SNX29: variants seen among roughly 807,000 people sequenced by gnomAD.
The protein encoded by SNX29 is sorting nexin 29, also known as sorting nexin-29.
SNX29 carries 78 observed loss-of-function variants against 102.1 expected under a neutral mutation model. The observed-to-expected ratio is 0.76, with a 90% CI of 0.64 to 0.92. The LOEUF is 0.92. Among genes scored for constraint, SNX29 ranks in the 40% least tolerant of loss-of-function variants. SNX29 has a pLI of 0.00. For missense variants in SNX29, 1,280 were observed against 1,061.7 expected (o/e 1.21, Z -2.86); for synonymous variants, 580 against 414.5 (o/e 1.40, Z -4.85).
intron 19 of SNX29, among the ~76,000 whole-genome samples, chr16:12,512,802 G>C (rs1459172890): frequency 6.6e-6 from 1 of 152,162 alleles, no homozygotes. Context: ...CTTAGATGGA[G>C]AACTGAATCC....
Position 11,983,705 on chromosome 16 carries a change from C to T in SNX29, c.7+6892C>T, listed in dbSNP as rs192087539. 3.0e-6 allele frequency: 3 copies of T among 985,388 alleles called. No homozygotes were observed. The Admixed American group carries it at 1.8e-4, about 61-fold the overall frequency. 61.0% of individuals were successfully genotyped at this position (985,388 alleles called of 1,614,324 possible). On this transcript the variant is annotated intron_variant, in intron 1 of 20. Coordinates refer to ENST00000566228, the MANE Select transcript of SNX29 (RefSeq NM_032167.5). ...GCTATCTTGCCTCCTGGTTGCTTGA[C>T]TCCAGGTAACTGATAGGAACTCAAA...
intron 18 of SNX29, among the ~76,000 whole-genome samples, chr16:12,467,463 A>C (rs1022896367): frequency 6.6e-6 from 1 of 152,206 alleles, no homozygotes; most frequent in Non-Finnish European, 1.5e-5. Context: ...CATCAGGCAC[A>C]TGCACAGACA....
At chr16:12,066,760 G>A (rs1027131048) in intron 9 of SNX29, among the ~76,000 whole-genome samples, 2 of 151,174 alleles carry the variant, frequency 1.3e-5, no homozygotes, top group Non-Finnish European at 1.5e-5. Flanking sequence ...GGTGGGGGCT[G>A]AGGGAGGGGT....
At chr16:12,179,197 T>C (rs1452076251) in intron 13 of SNX29, among the ~76,000 whole-genome samples, 1 of 152,198 alleles carries the variant, frequency 6.6e-6, no homozygotes, top group Non-Finnish European at 1.5e-5. Context: ...AAATATTGGC[T>C]TGTGAGGGCC....
At chr16:12,235,821 G>T (rs549687987) in intron 14 of SNX29, among the ~76,000 whole-genome samples, 81 of 152,024 alleles carry the variant, frequency 5.3e-4, no homozygotes, top group African/African-American at 1.9e-3. Context: ...ATGTGTATGT[G>T]TGTGTGTGCT....
chr16:12,371,602 G>A (rs1380011762), intron 16 of SNX29, among the ~76,000 whole-genome samples: 2 of 152,296 alleles, frequency 1.3e-5, no homozygotes, highest in African/African-American at 4.8e-5. Flanking sequence ...ACTGCACCCA[G>A]CCAGATTTTT....
intron 18 of SNX29, among the ~76,000 whole-genome samples, chr16:12,426,253 C>T (rs1288932855): frequency 1.3e-5 from 2 of 152,186 alleles, no homozygotes; most frequent in Non-Finnish European, 2.9e-5. Context: ...CATGGGTCAG[C>T]TGTGGCCTGT....
intron 20 of SNX29, among the ~76,000 whole-genome samples, chr16:12,552,468 C>A (rs1037787085): frequency 6.6e-6 from 1 of 152,214 alleles, no homozygotes; most frequent in Admixed American, 6.5e-5. Flanking sequence ...TCCATCTCAT[C>A]ACCCAACGAT....
At position 12,570,297 on chromosome 16, in the gene SNX29, G is replaced by C. The variant is rs115063113; in HGVS notation, c.*1668G>C. On this transcript the variant is annotated 3_prime_UTR_variant, in exon 21 of 21. Transcript: ENST00000566228. The stretch of plus-strand genomic sequence containing the variant: ...ACCCTGCAGTCAGTTTGCGAGTGTG[G>C]AGGACCCGAGACATCCTGTAAAGGC... The C allele has an allele frequency of 4.7e-4, 497 of 1,048,686 alleles. 1 individual carries two copies. In the African/African-American group the frequency reaches 7.6e-3, roughly 16 times the overall value. The allele number at this position is 1,048,686 out of a possible 1,614,324, so 65.0% of individuals were successfully genotyped here. A position where few individuals can be genotyped will look rare whatever the true frequency, so the allele number is the denominator to read the frequency against.
intron 19 of SNX29, among the ~76,000 whole-genome samples, chr16:12,481,423 C>T (rs958581552): frequency 6.7e-6 from 1 of 149,776 alleles, no homozygotes; most frequent in Non-Finnish European, 1.5e-5. Flanking sequence ...TATACATACA[C>T]ACATATACAC....
chr16:12,199,596 T>A lies in SNX29; in HGVS notation c.1596-5T>A. On this transcript the variant is annotated splice_region_variant and splice_polypyrimidine_tract_variant and intron_variant, in intron 13 of 20. Coordinates refer to ENST00000566228, the MANE Select transcript of SNX29 (RefSeq NM_032167.5). ...TATATTTTTTTAACATTCTTGTACC[T>A]GCAGAGAGAACGAGGTGCTCAAAGT... 6.2e-7 allele frequency: 1 copy of A among 1,611,016 alleles called. No homozygotes were observed. The highest frequency in any genetic ancestry group is 1.1e-5 in the South Asian group (1 of 90,460).
chr16:12,450,531 A>G (rs976603464), intron 18 of SNX29, among the ~76,000 whole-genome samples: 17 of 152,124 alleles, frequency 1.1e-4, no homozygotes, highest in Non-Finnish European at 2.5e-4. Flanking sequence ...TGGCCAAGGG[A>G]ATGAGGTGCT....
chr16:12,455,754 C>T (rs1302317263), intron 18 of SNX29, among the ~76,000 whole-genome samples: 2 of 152,208 alleles, frequency 1.3e-5, no homozygotes, highest in African/African-American at 4.8e-5. Flanking sequence ...AGCGTCCATC[C>T]TTTGCTCACT....
At chr16:12,543,057 C>G (rs576444464) in intron 20 of SNX29, among the ~76,000 whole-genome samples, 1 of 152,310 alleles carries the variant, frequency 6.6e-6, no homozygotes, top group African/African-American at 2.4e-5. Flanking sequence ...CACCAGGACC[C>G]TGTTGGTTTC....
intron 14 of SNX29, among the ~76,000 whole-genome samples, chr16:12,232,962 C>T (rs1953267790): frequency 6.6e-6 from 1 of 152,254 alleles, no homozygotes; most frequent in African/African-American, 2.4e-5. Context: ...TCCCAAGCCC[C>T]AGCCTGGCAA....
intron 20 of SNX29, among the ~76,000 whole-genome samples, chr16:12,543,847 G>A (rs1337199821): frequency 6.6e-6 from 1 of 152,232 alleles, no homozygotes; most frequent in African/African-American, 2.4e-5. Context: ...GAAGAGAGAA[G>A]CCAGTGGTGG....
chr16:12,208,062 T>G (rs2077090101), intron 14 of SNX29, among the ~76,000 whole-genome samples: 3 of 152,198 alleles, frequency 2.0e-5, no homozygotes. Context: ...GAGCATTCCC[T>G]GAGAAGGGAA....
chr16:11,986,538 T>C (rs86428), intron 1 of SNX29, among the ~76,000 whole-genome samples: 61,496 of 152,076 alleles, frequency 0.4, 14,076 homozygotes, highest in Non-Finnish European at 0.52. Context: ...TTTTGCATAA[T>C]TGCATTGTAT....
intron 1 of SNX29, chr16:11,977,486 T>C (rs2055329105): frequency 6.6e-6 from 1 of 152,532 alleles, no homozygotes; most frequent in Admixed American, 6.5e-5. Flanking sequence ...TCCTTGCATA[T>C]TCCATCCTTG....
Sources: gnomAD v4.1 joint callset for allele counts (sites outside exome capture counted in the v4.1 genomes callset) on GRCh38, gnomAD v4.1.1 for gene constraint, MANE v1.5 for transcripts, NCBI Gene and HGNC (gene_info 2026-07-23, HGNC 2026-07-21) for gene names.